TMEM69: variants seen among roughly 807,000 people sequenced by gnomAD.
The protein encoded by TMEM69 is chromosome 1 open reading frame 154.
A neutral mutation model predicts 15.8 loss-of-function variants in TMEM69; 17 were observed. The ratio of observed to expected loss-of-function variants is 1.07; its 90% confidence interval spans 0.73 to 1.61. The LOEUF (loss-of-function observed/expected upper bound fraction) is 1.61. Ranked by LOEUF, TMEM69 falls within the 40% of genes most tolerant of loss-of-function variation. The pLI, the probability that TMEM69 is intolerant of heterozygous loss-of-function variation, is 0.00. For missense variants in TMEM69, 230 were observed against 286.1 expected (o/e 0.80, Z 1.41); for synonymous variants, 80 against 98.6 (o/e 0.81, Z 1.12).
Position 45,693,475 on chromosome 1 carries a change from T to A in TMEM69, c.314T>A (p.Leu105Gln), listed in dbSNP as rs757548868. The change falls in exon 3 of 3, where the codon CTA becomes CAA. Residue 105 changes from leucine (L) to glutamine (Q), a missense_variant. Leu to Gln is a moderately radical substitution (Grantham distance 113). Transcript: ENST00000372025. Reference protein sequence around the residue: ...KPALCVTLAGLIPFVAPPLVM... With the variant: ...KPALCVTLAGQIPFVAPPLVM... ...GCATTATGTGTAACTCTGGCAGGAC[T>A]AATCCCCTTCGTTGCTCCACCACTG... 10 of 1,614,212 alleles carry A rather than the reference T, an allele frequency of 6.2e-6. No homozygotes were observed. The highest frequency in any genetic ancestry group is 8.5e-6 in the Non-Finnish European group (10 of 1,180,036).
chr1:45,692,031 C>T (rs1267107182), intron 2 of TMEM69, among the ~76,000 whole-genome samples: 3 of 151,946 alleles, frequency 2.0e-5, no homozygotes, highest in African/African-American at 7.3e-5. Context: ...GCCTGTAATC[C>T]CAGCTACTCA....
At chr1:45,692,459 G>A (rs1317988635) in intron 2 of TMEM69, among the ~76,000 whole-genome samples, 1 of 152,138 alleles carries the variant, frequency 6.6e-6, no homozygotes. Context: ...TACTTTGCCC[G>A]TGTACAATGA....
intron 1 of TMEM69, among the ~76,000 whole-genome samples, chr1:45,690,426 C>T (rs533850136): frequency 6.4e-4 from 97 of 152,048 alleles, no homozygotes; most frequent in African/African-American, 2.3e-3. Flanking sequence ...TGCTTGAACC[C>T]GGTAGGCAGA....
At chr1:45,691,507 C>T (rs1645344832) in intron 2 of TMEM69, among the ~76,000 whole-genome samples, 1 of 151,750 alleles carries the variant, frequency 6.6e-6, no homozygotes, top group South Asian at 2.1e-4. Flanking sequence ...CATGCCACTG[C>T]ACTGCAGCCT....
chr1:45,689,104 T>G (rs1273332588), intron 1 of TMEM69, among the ~76,000 whole-genome samples: 3 of 151,344 alleles, frequency 2.0e-5, no homozygotes, highest in Admixed American at 2.0e-4. Flanking sequence ...GGGGGGGAGG[T>G]TCACTACGTT....
rs769718582 is a variant in TMEM69 at position 45,693,570 on chromosome 1, CTA to C, written c.411_412del (p.Ser138PhefsTer15). On this transcript the variant is annotated frameshift_variant, in exon 3 of 3. Coordinates refer to ENST00000372025, the MANE Select transcript of TMEM69 (RefSeq NM_016486.4). LOFTEE classifies it high-confidence loss of function. ...TCAGATGGCTTATGGAGCCAGTTTC[CTA>C]TCTTTCTTGGGTGGGATCAGATGGG... is the stretch of plus-strand genomic sequence containing the variant. ...FTQMAYGASFLSFLGGIRWGF... is the reference protein window; with the variant it reads ...FTQMAYGASFXSFLGGIRWGF... 78 of 1,614,224 alleles carry C rather than the reference CTA, an allele frequency of 4.8e-5. No individual in the cohort carries two copies. The South Asian group carries it at 5.9e-4, about 12-fold the overall frequency.
rs1245661501 is a variant in TMEM69, at chr1:45,693,424, C to T, written c.263C>T (p.Thr88Ile). The T allele has an allele frequency of 1.1e-5, 17 of 1,614,230 alleles. No individual in the cohort carries two copies. In the South Asian group the frequency reaches 1.8e-4, roughly 17 times the overall value. The part of the protein sequence containing the change: ...ALLARPSSTI[T>I]YLTDSPKPAL... ...CTAGCCAGACCCTCAAGCACCATCACTTACCTAACTGACAGCCCAAAGCCA... is the reference window on the plus strand; with the variant it reads ...CTAGCCAGACCCTCAAGCACCATCATTTACCTAACTGACAGCCCAAAGCCA... Residue 88 changes from threonine to isoleucine, a missense_variant, in exon 3 of 3, where the codon ACT becomes ATT. Physicochemically the swap from Thr to Ile is moderately conservative, Grantham distance 89. Coordinates refer to ENST00000372025, the MANE Select transcript of TMEM69 (RefSeq NM_016486.4).
chr1:45,693,365 C>T lies in TMEM69; in HGVS notation c.204C>T (p.Pro68=), dbSNP rs1645358397. The change falls in exon 3 of 3, where the codon CCC becomes CCT. Residue 68 remains proline (P), a synonymous_variant. Coordinates refer to ENST00000372025, the MANE Select transcript of TMEM69 (RefSeq NM_016486.4). The part of the protein sequence containing the change: ...MSKTQCYHTS[P]CSFKKQQKQA... ...AGACACAGTGCTATCATACATCCCC[C>T]TGCAGCTTTAAAAAGCAGCAGAAGC... is the stretch of plus-strand genomic sequence containing the variant. 3 of 1,614,172 alleles carry T rather than the reference C, an allele frequency of 1.9e-6. No homozygotes were observed. The highest frequency in any genetic ancestry group is 2.5e-6 in the Non-Finnish European group (3 of 1,180,030).
rs1456116209 is a variant in TMEM69 at position 45,694,387 on chromosome 1, A to C, written c.*482A>C. 1 of 1,076,154 alleles carries C rather than the reference A, an allele frequency of 9.3e-7. No individual in the cohort carries two copies. The highest frequency in any genetic ancestry group is 1.3e-5 in the South Asian group (1 of 74,170). 66.7% of individuals were successfully genotyped at this position (1,076,154 alleles called of 1,614,324 possible). ...TTATGAATAATATAGTTATCCACTT[A>C]AACATTTCAATATTTTAACCATCTT... On this transcript the variant is annotated 3_prime_UTR_variant, in exon 3 of 3. Transcript: ENST00000372025.
At chr1:45,693,050 T>C (rs1181676403) in intron 2 of TMEM69, among the ~76,000 whole-genome samples, 154 bp from the exon 3 acceptor site, 1 of 152,242 alleles carries the variant, frequency 6.6e-6, no homozygotes, top group Non-Finnish European at 1.5e-5. Context: ...TATTAGTTCA[T>C]CCTTTCTGTA....
rs538790072 is a variant in TMEM69, at chr1:45,688,570, G to A, written c.-96+295G>A. Among the ~76,000 whole-genome samples, 4 of 152,226 alleles carry A rather than the reference G, an allele frequency of 2.6e-5. No individual in the cohort carries two copies. In the South Asian group the frequency reaches 6.2e-4, roughly 24 times the overall value. On this transcript the variant is annotated intron_variant, in intron 1 of 2. Transcript: ENST00000372025. The stretch of plus-strand genomic sequence containing the variant: ...CACCTGCCGTCCCTGGACTTTTTAG[G>A]TTATCACTTTTTAATACCCACTAGT...
intron 1 of TMEM69, among the ~76,000 whole-genome samples, chr1:45,690,753 T>C (rs1306972421): frequency 6.6e-6 from 1 of 152,180 alleles, no homozygotes; most frequent in Non-Finnish European, 1.5e-5. Context: ...TGGAAGTATC[T>C]GTAAAATCTC....
intron 2 of TMEM69, among the ~76,000 whole-genome samples, chr1:45,692,183 A>C (rs747579966): frequency 6.6e-6 from 1 of 152,142 alleles, no homozygotes; most frequent in African/African-American, 2.4e-5. Flanking sequence ...ATCAACTGGT[A>C]AATGCTGTGG....
intron 1 of TMEM69, among the ~76,000 whole-genome samples, chr1:45,689,062 C>T (rs1645325197): frequency 6.6e-6 from 1 of 151,844 alleles, no homozygotes; most frequent in Admixed American, 6.6e-5. Flanking sequence ...TGCCACCACG[C>T]CCAGCTAATT....
chr1:45,690,854 G>C (rs1645340131), intron 1 of TMEM69, 120 bp from the exon 2 acceptor site: 1 of 591,004 alleles, frequency 1.7e-6, no homozygotes, highest in South Asian at 2.1e-5. Context: ...CTGTGTTACC[G>C]ACAGTTTGAA....
intron 1 of TMEM69, among the ~76,000 whole-genome samples, chr1:45,690,572 C>T (rs1187291791): frequency 6.6e-6 from 1 of 151,920 alleles, no homozygotes; most frequent in Non-Finnish European, 1.5e-5. Flanking sequence ...GAGTTGTGAA[C>T]TCTTAAGCCC....
chr1:45,692,441 A>C (rs1471424118), intron 2 of TMEM69, among the ~76,000 whole-genome samples: 1 of 152,222 alleles, frequency 6.6e-6, no homozygotes, highest in African/African-American at 2.4e-5. Flanking sequence ...ATCAGCAGGA[A>C]AGGTTATTAC....
chr1:45,690,060 A>C (rs1466157583), intron 1 of TMEM69, among the ~76,000 whole-genome samples: 1 of 152,196 alleles, frequency 6.6e-6, no homozygotes, highest in Non-Finnish European at 1.5e-5. Context: ...AATGAACTGC[A>C]CCATAACAAG....
chr1:45,690,091 A>T lies in TMEM69; in HGVS notation c.-95-883A>T, dbSNP rs550402330. 8.5e-5 allele frequency among the ~76,000 whole-genome samples: 13 copies of T among 152,336 alleles called. No individual in the cohort carries two copies. In the South Asian group the frequency reaches 2.5e-3, roughly 29 times the overall value. On this transcript the variant is annotated intron_variant, in intron 1 of 2. Coordinates refer to ENST00000372025, the MANE Select transcript of TMEM69 (RefSeq NM_016486.4). ...ACAAGATTAAATAATTTGTTCAAAG[A>T]CACACAGCTAATAAGTAGTGGAGCC...
Sources: gnomAD v4.1 joint callset for allele counts (sites outside exome capture counted in the v4.1 genomes callset) on GRCh38, gnomAD v4.1.1 for gene constraint, MANE v1.5 for transcripts, NCBI Gene and HGNC (gene_info 2026-07-23, HGNC 2026-07-21) for gene names.